The following ZCWPW2 variants were observed in gnomAD, a reference collection of about 807,000 sequenced individuals.
ZCWPW2 encodes zinc finger CW-type and PWWP domain containing 2, also known as zinc finger CW-type PWWP domain protein 2.
Under a neutral mutation model 46.6 loss-of-function variants are expected in ZCWPW2, and 45 were observed. That is an observed-to-expected ratio of 0.96 (90% CI 0.76 to 1.24). The LOEUF is 1.24. Among genes scored for constraint, ZCWPW2 ranks in the 50% most tolerant of loss-of-function variants. The pLI is 0.00. For synonymous variants in ZCWPW2, 152 were observed against 137.1 expected (o/e 1.11, Z -0.76); for missense variants, 429 against 403.9 (o/e 1.06, Z -0.53).
At position 28,504,293 on chromosome 3, in the gene ZCWPW2, A is replaced by ATACTC. The variant is rs768966067; in HGVS notation, c.658-9766_658-9762dup. On this transcript the variant is annotated intron_variant, in intron 6 of 9. Coordinates refer to ENST00000383768, the MANE Select transcript of ZCWPW2 (RefSeq NM_001040432.4). ...TATATTAGAGATACATCTTAAACTTATACTCTACTATACTAGACAACATTT... is the reference window on the plus strand; with the variant it reads ...TATATTAGAGATACATCTTAAACTTATACTCTACTCTACTATACTAGACAACATTT... Among the ~76,000 whole-genome samples the ATACTC allele has an allele frequency of 3.0e-3, 458 of 152,262 alleles. 1 individual carries two copies. Among genetic ancestry groups the ATACTC allele is most frequent in the Non-Finnish European group, 4.0e-3 (270 of 68,002 alleles).
chr3:28,371,156 A>C (rs562915912), intron 1 of ZCWPW2, among the ~76,000 whole-genome samples: 44 of 152,194 alleles, frequency 2.9e-4, no homozygotes, highest in Admixed American at 1.2e-3. Context: ...TTTGAGAGTA[A>C]ATCATGTAAA....
At chr3:28,449,859 C>T (rs1349278924) in intron 4 of ZCWPW2, among the ~76,000 whole-genome samples, 1 of 152,072 alleles carries the variant, frequency 6.6e-6, no homozygotes, top group Non-Finnish European at 1.5e-5. Context: ...TTAGTAGGTA[C>T]ATATCTGTGG....
intron 4 of ZCWPW2, among the ~76,000 whole-genome samples, chr3:28,438,371 G>A (rs967188051): frequency 1.3e-5 from 2 of 152,156 alleles, no homozygotes; most frequent in Non-Finnish European, 2.9e-5. Flanking sequence ...TTAAACATAG[G>A]ACATTTTAAA....
In ZCWPW2 at chr3:28,497,003, A is replaced by G. The variant is rs1484684099; in HGVS notation, c.657+4830A>G. ...ATACGTAAGTACTTATATACATTAT[A>G]TAATACATTATTTATGTAATACAGG... is the stretch of plus-strand genomic sequence containing the variant. On this transcript the variant is annotated intron_variant, in intron 6 of 9. Transcript: ENST00000383768. Among the ~76,000 whole-genome samples the G allele has an allele frequency of 2.0e-5, 3 of 150,204 alleles. No individual in the cohort carries two copies. The East Asian group carries it at 5.8e-4, about 29-fold the overall frequency.
intron 1 of ZCWPW2, among the ~76,000 whole-genome samples, chr3:28,378,807 G>A (rs918472621): frequency 6.6e-6 from 1 of 152,088 alleles, no homozygotes; most frequent in African/African-American, 2.4e-5. Flanking sequence ...TAGGGATAAA[G>A]CAATTAATAA....
intron 1 of ZCWPW2, among the ~76,000 whole-genome samples, chr3:28,356,660 A>G (rs1704742832): frequency 6.6e-6 from 1 of 152,242 alleles, no homozygotes; most frequent in Non-Finnish European, 1.5e-5. Context: ...TACAACATGG[A>G]ATACTATGCA....
chr3:28,384,947 T>C (rs999343923), intron 1 of ZCWPW2, among the ~76,000 whole-genome samples: 2 of 152,218 alleles, frequency 1.3e-5, no homozygotes, highest in African/African-American at 2.4e-5. Flanking sequence ...TTTTGTGTTT[T>C]ACATACATTT....
chr3:28,398,239 A>G (rs1695782780), intron 2 of ZCWPW2: 1 of 152,198 alleles, frequency 6.6e-6, no homozygotes, highest in Non-Finnish European at 1.5e-5. Context: ...CGAGGTAAAA[A>G]GAGCAAACTC....
intron 2 of ZCWPW2, among the ~76,000 whole-genome samples, chr3:28,406,452 G>A (rs1319184956): frequency 6.6e-6 from 1 of 152,128 alleles, no homozygotes; most frequent in Non-Finnish European, 1.5e-5. Flanking sequence ...GCACTTTTGG[G>A]TGAGCTTATA....
chr3:28,489,384 G>A (rs1254626877), intron 5 of ZCWPW2, among the ~76,000 whole-genome samples: 3 of 151,644 alleles, frequency 2.0e-5, no homozygotes, highest in Non-Finnish European at 4.4e-5. Context: ...TTACCATAAG[G>A]TTCTACTGGG....
At chr3:28,515,738 T>TAGTCCTTTGAA in intron 8 of ZCWPW2, 117 bp downstream of exon 8, 1 of 798,700 alleles carries the variant, frequency 1.3e-6, no homozygotes, top group African/African-American at 2.0e-5. Flanking sequence ...TGTGTGTGTG[T>TAGTCCTTTGAA]GTGTGTGTAT....
intron 2 of ZCWPW2, among the ~76,000 whole-genome samples, chr3:28,398,610 TGG>T (rs1375788389): frequency 6.6e-6 from 1 of 152,080 alleles, no homozygotes; most frequent in African/African-American, 2.4e-5. Flanking sequence ...CCAAATACTG[TGG>T]GTGTCCAAAC....
rs759618423 is a variant in ZCWPW2, at chr3:28,447,821, C to A, written c.492+12552C>A. 4.6e-5 allele frequency: 46 copies of A among 1,002,324 alleles called. No homozygotes were observed. In the Middle Eastern group the frequency reaches 2.8e-3, roughly 61 times the overall value. The allele number at this position is 1,002,324 out of a possible 1,614,324, so 62.1% of individuals were successfully genotyped here. Reference sequence around the variant, plus strand: ...AACCCCTGGCAATAGAATTGTTTACCTTTATACAAAGAAGGTTGGGAAAGC... The same window carrying A: ...AACCCCTGGCAATAGAATTGTTTACATTTATACAAAGAAGGTTGGGAAAGC... On this transcript the variant is annotated intron_variant, in intron 4 of 9. Coordinates refer to ENST00000383768, the MANE Select transcript of ZCWPW2 (RefSeq NM_001040432.4).
intron 3 of ZCWPW2, among the ~76,000 whole-genome samples, chr3:28,427,044 G>C (rs1693276835): frequency 6.6e-6 from 1 of 152,112 alleles, no homozygotes; most frequent in South Asian, 2.1e-4. Flanking sequence ...TCAATGACTG[G>C]TATCTATCTG....
At chr3:28,497,573 C>CA (rs1700025950) in intron 6 of ZCWPW2, among the ~76,000 whole-genome samples, 1 of 151,748 alleles carries the variant, frequency 6.6e-6, no homozygotes, top group African/African-American at 2.4e-5. Context: ...ATTGATGGAT[C>CA]AAAGCTACTC....
intron 4 of ZCWPW2, among the ~76,000 whole-genome samples, chr3:28,456,623 T>G (rs144917524): frequency 5.3e-4 from 80 of 152,338 alleles, no homozygotes; most frequent in Non-Finnish European, 7.6e-4. Context: ...TTTATGGCTC[T>G]TATTATTTTG....
chr3:28,447,789 T>C, intron 4 of ZCWPW2: 2 of 794,618 alleles, frequency 2.5e-6, no homozygotes, highest in Non-Finnish European at 2.2e-6. Context: ...AAAACTAGGC[T>C]TTCCTGAACC....
At chr3:28,423,819 A>G (rs536961637) in intron 3 of ZCWPW2, among the ~76,000 whole-genome samples, 2 of 152,122 alleles carry the variant, frequency 1.3e-5, no homozygotes, top group South Asian at 2.1e-4. Flanking sequence ...GCTTCTTGCA[A>G]GTTTGAAGTC....
intron 2 of ZCWPW2, among the ~76,000 whole-genome samples, chr3:28,395,471 G>A (rs1003645696): frequency 3.3e-5 from 5 of 152,110 alleles, no homozygotes; most frequent in African/African-American, 9.7e-5. Context: ...TGTTAACTGC[G>A]GTGGCATTCA....
Sources: allele counts gnomAD v4.1 joint callset (sites outside exome capture counted in the v4.1 genomes callset), GRCh38; gene constraint gnomAD v4.1.1; transcripts MANE v1.5; gene names NCBI Gene and HGNC (gene_info 2026-07-23, HGNC 2026-07-21).